VGLL4: variants seen among roughly 807,000 people sequenced by gnomAD.
VGLL4 encodes transcription cofactor vestigial-like protein 4.
VGLL4 carries 7 observed loss-of-function variants against 21.0 expected under a neutral mutation model. The observed-to-expected ratio is 0.33, with a 90% confidence interval of 0.19 to 0.63. VGLL4 has a LOEUF of 0.63. Ranked by LOEUF, VGLL4 falls within the 20% of genes least tolerant of loss-of-function variation. VGLL4 has a pLI of 0.78. For missense variants in VGLL4, 394 were observed against 425.7 expected (o/e 0.93, Z 0.66); for synonymous variants, 222 against 173.2 (o/e 1.28, Z -2.21).
intron 1 of VGLL4, among the ~76,000 whole-genome samples, chr3:11,631,963 G>A (rs564629057): frequency 3.3e-5 from 5 of 152,268 alleles, no homozygotes; most frequent in Middle Eastern, 3.4e-3. Flanking sequence ...TCAAGGCAGC[G>A]TTAGGTCTGA....
intron 1 of VGLL4, chr3:11,633,307 C>G (rs73127174): frequency 6.6e-6 from 1 of 152,072 alleles, no homozygotes; most frequent in Non-Finnish European, 1.5e-5. Context: ...GGTAACACAG[C>G]GAGATAAATT....
intron 2 of VGLL4, among the ~76,000 whole-genome samples, chr3:11,698,625 C>T (rs996250025): frequency 2.6e-5 from 4 of 152,178 alleles, no homozygotes; most frequent in Non-Finnish European, 5.9e-5. Flanking sequence ...TATTTCCATT[C>T]AGTACCTTCC....
chr3:11,666,415 G>A (rs142436725), intron 2 of VGLL4, among the ~76,000 whole-genome samples: 2 of 152,156 alleles, frequency 1.3e-5, no homozygotes, highest in African/African-American at 4.8e-5. Flanking sequence ...AGCATGGCCA[G>A]AATCTGAGTT....
intron 2 of VGLL4, among the ~76,000 whole-genome samples, chr3:11,571,956 A>C (rs1395773215): frequency 6.6e-6 from 1 of 152,008 alleles, no homozygotes; most frequent in Non-Finnish European, 1.5e-5. Context: ...AAAATACAAA[A>C]ATTATCTGGG....
At chr3:11,692,557 C>T (rs2076542009) in intron 2 of VGLL4, among the ~76,000 whole-genome samples, 1 of 152,186 alleles carries the variant, frequency 6.6e-6, no homozygotes. Context: ...CTAATGGGAG[C>T]TTAGGAACAT....
intron 1 of VGLL4, among the ~76,000 whole-genome samples, chr3:11,703,982 G>A (rs1409030658): frequency 1.3e-5 from 2 of 152,220 alleles, no homozygotes; most frequent in East Asian, 1.9e-4. Flanking sequence ...GGTAGCTCAC[G>A]CCTGTAATCC....
chr3:11,602,394 C>A (rs980354200), intron 1 of VGLL4, among the ~76,000 whole-genome samples: 2 of 152,086 alleles, frequency 1.3e-5, no homozygotes, highest in African/African-American at 4.8e-5. Context: ...AGGAGAATGA[C>A]CTCACTGCAT....
chr3:11,634,945 T>G (rs550088845), intron 1 of VGLL4, among the ~76,000 whole-genome samples: 147 of 152,304 alleles, frequency 9.7e-4, no homozygotes, highest in Middle Eastern at 6.8e-3. Context: ...GTGCTGGGAT[T>G]ACAGGCGTGA....
At chr3:11,585,878 T>C (rs151081057) in intron 2 of VGLL4, among the ~76,000 whole-genome samples, 66 of 152,206 alleles carry the variant, frequency 4.3e-4, no homozygotes, top group African/African-American at 1.3e-3. Context: ...CTTTATCATA[T>C]ACAACGTCAC....
intron 3 of VGLL4, among the ~76,000 whole-genome samples, chr3:11,563,602 TA>T (rs2073233320): frequency 6.6e-6 from 1 of 152,146 alleles, no homozygotes; most frequent in African/African-American, 2.4e-5. Flanking sequence ...TGAGCGCTCG[TA>T]AAACGTTGAA....
intron 1 of VGLL4, among the ~76,000 whole-genome samples, chr3:11,609,995 T>G (rs1367862006): frequency 6.6e-6 from 1 of 152,172 alleles, no homozygotes; most frequent in Non-Finnish European, 1.5e-5. Flanking sequence ...GGCTTTACGT[T>G]CAGCCCCCCT....
At chr3:11,658,837 T>C (rs2075993553) in intron 2 of VGLL4, among the ~76,000 whole-genome samples, 1 of 152,176 alleles carries the variant, frequency 6.6e-6, no homozygotes, top group South Asian at 2.1e-4. Context: ...CAAAAAGTGC[T>C]ATCAGCTGCT....
intron 1 of VGLL4, among the ~76,000 whole-genome samples, chr3:11,639,147 G>C (rs986284851): frequency 2.0e-5 from 3 of 152,228 alleles, no homozygotes; most frequent in African/African-American, 7.2e-5. Flanking sequence ...GCTACCAGCA[G>C]TGTAAAGCCC....
intron 1 of VGLL4, among the ~76,000 whole-genome samples, chr3:11,715,640 T>C (rs1331809281): frequency 6.6e-6 from 1 of 152,172 alleles, no homozygotes. Context: ...GGCCCAGTTC[T>C]TGTTATTCAT....
intron 1 of VGLL4, among the ~76,000 whole-genome samples, chr3:11,615,937 A>G (rs1356519203): frequency 6.6e-6 from 1 of 152,228 alleles, no homozygotes; most frequent in East Asian, 1.9e-4. Flanking sequence ...TATTAGGCCA[A>G]TCTGCATCCT....
intron 1 of VGLL4, among the ~76,000 whole-genome samples, chr3:11,609,541 G>T (rs1299814479): frequency 6.6e-6 from 1 of 152,214 alleles, no homozygotes; most frequent in African/African-American, 2.4e-5. Flanking sequence ...ATAGAATCTG[G>T]TTCACCAAAT....
At chr3:11,624,491 T>C (rs1021741966) in intron 1 of VGLL4, among the ~76,000 whole-genome samples, 2 of 152,142 alleles carry the variant, frequency 1.3e-5, no homozygotes, top group African/African-American at 4.8e-5. Flanking sequence ...TTAGGAGGGC[T>C]CACCTCTATT....
intron 2 of VGLL4, among the ~76,000 whole-genome samples, chr3:11,596,933 A>C (rs1410227456): frequency 6.6e-6 from 1 of 152,142 alleles, no homozygotes; most frequent in Non-Finnish European, 1.5e-5. Flanking sequence ...CACTAAAAGG[A>C]TCTGGAGTCC....
At chr3:11,582,465 C>G in intron 2 of VGLL4, 1 of 1,219,598 alleles carries the variant, frequency 8.2e-7, no homozygotes, top group Non-Finnish European at 1.1e-6. Flanking sequence ...TTGCCCCCTG[C>G]ACTGCAATAA....
Sources: allele counts gnomAD v4.1 joint callset (sites outside exome capture counted in the v4.1 genomes callset), GRCh38; gene constraint gnomAD v4.1.1; transcripts MANE v1.5; gene names NCBI Gene and HGNC (gene_info 2026-07-23, HGNC 2026-07-21).